Variants in ABCB5 observed in about 807,000 individuals in gnomAD.
The protein encoded by ABCB5 is ATP-binding cassette sub-family B member 5.
Under a neutral mutation model 144.2 loss-of-function variants are expected in ABCB5, and 155 were observed. The observed-to-expected ratio is 1.08, with a 90% CI of 0.94 to 1.23. The LOEUF is 1.23. Among genes scored for constraint, ABCB5 ranks in the 50% most tolerant of loss-of-function variants. The pLI is 0.00. For missense variants in ABCB5, 1,830 were observed against 1,520.8 expected, an observed-to-expected ratio of 1.20 and a Z score of -3.38; for synonymous variants, 610 against 528.6, an observed-to-expected ratio of 1.15 and a Z score of -2.11.
In ABCB5 at chr7:20,650,104, T is replaced by C. The variant is rs746777499; in HGVS notation, c.1289T>C (p.Val430Ala). The C allele has an allele frequency of 1.4e-5, 22 of 1,613,662 alleles. 1 individual carries two copies. The highest frequency in any genetic ancestry group is 3.3e-4 in the Middle Eastern group (2 of 6,050). Residue 430 changes from valine (V) to alanine (A), a missense_variant, in exon 12 of 28, where the codon GTA becomes GCA. Transcript: ENST00000404938. ...VGLNGSGKST[V>A]VQLLQRLYDP... ...CTCAATGGCAGTGGGAAGAGTACGG[T>C]AGTCCAGCTTCTGCAGAGGTTATAT...
At chr7:20,750,947 C>T (rs1414888990) in intron 26 of ABCB5, among the ~76,000 whole-genome samples, 1 of 152,166 alleles carries the variant, frequency 6.6e-6, no homozygotes, top group Non-Finnish European at 1.5e-5. Context: ...TGGTTCTCTA[C>T]TAATCTTCAC....
chr7:20,735,926 T>A (rs1027473570), intron 23 of ABCB5, among the ~76,000 whole-genome samples: 14 of 152,228 alleles, frequency 9.2e-5, no homozygotes, highest in Non-Finnish European at 1.5e-4. Flanking sequence ...GTATCTTGTA[T>A]ATGAAAACAT....
At chr7:20,620,246 A>T (rs983481331) in intron 1 of ABCB5, among the ~76,000 whole-genome samples, 1 of 152,166 alleles carries the variant, frequency 6.6e-6, no homozygotes, top group Non-Finnish European at 1.5e-5. Flanking sequence ...CATATAAAAA[A>T]CCAACTCAAA....
intron 14 of ABCB5, 47 bp downstream of exon 14, chr7:20,658,723 T>G (rs753782108): frequency 1.9e-6 from 3 of 1,598,672 alleles, no homozygotes; most frequent in Admixed American, 1.7e-5. Flanking sequence ...TGGTTCATTA[T>G]TGTTTTGAAG....
At chr7:20,748,713 C>A (rs1305786169) in intron 26 of ABCB5, among the ~76,000 whole-genome samples, 1 of 149,774 alleles carries the variant, frequency 6.7e-6, no homozygotes, top group Non-Finnish European at 1.5e-5. Context: ...ATAAGTGGAG[C>A]CCAGCACTCC....
In ABCB5 at chr7:20,647,659, T is replaced by G; in HGVS notation, c.1095+11T>G. On this transcript the variant is annotated intron_variant, in intron 10 of 27. Transcript: ENST00000404938. ...CAGGTTATTGATAAGGTAAGACCTC[T>G]TATTGCTTTGAAGAATAACTATCAT... 2 of 1,552,148 alleles carry G rather than the reference T, an allele frequency of 1.3e-6. No homozygotes were observed. Among genetic ancestry groups the G allele is most frequent in the Admixed American group, 4.0e-5 (2 of 49,402 alleles).
At chr7:20,720,966 A>AAT (rs1781848442) in intron 20 of ABCB5, among the ~76,000 whole-genome samples, 1 of 148,422 alleles carries the variant, frequency 6.7e-6, no homozygotes, top group Non-Finnish European at 1.5e-5. Flanking sequence ...AAAAAAAAAA[A>AAT]AGAATGAAGA....
intron 24 of ABCB5, among the ~76,000 whole-genome samples, chr7:20,739,713 A>G (rs964429222): frequency 2.6e-5 from 4 of 151,966 alleles, no homozygotes; most frequent in African/African-American, 9.7e-5. Context: ...ATTAAGGTTT[A>G]TTTGTTTTTT....
At chr7:20,636,418 G>A (rs1381230052) in intron 5 of ABCB5, among the ~76,000 whole-genome samples, 2 of 151,904 alleles carry the variant, frequency 1.3e-5, no homozygotes, top group Non-Finnish European at 2.9e-5. Context: ...AATTTATAAG[G>A]AAACATACTT....
chr7:20,751,593 A>G (rs1000096198), intron 26 of ABCB5, among the ~76,000 whole-genome samples: 27 of 152,244 alleles, frequency 1.8e-4, no homozygotes, highest in African/African-American at 6.3e-4. Flanking sequence ...CTAGTTTTGT[A>G]TGTTCTTCAG....
At chr7:20,688,037 T>C (rs1046630036) in intron 16 of ABCB5, among the ~76,000 whole-genome samples, 3 of 151,530 alleles carry the variant, frequency 2.0e-5, no homozygotes, top group Non-Finnish European at 2.9e-5. Flanking sequence ...ACTAAAAATA[T>C]AAAAAATTAG....
intron 23 of ABCB5, among the ~76,000 whole-genome samples, chr7:20,729,460 G>C (rs1464673086): frequency 6.6e-6 from 1 of 152,118 alleles, no homozygotes; most frequent in African/African-American, 2.4e-5. Context: ...TGTCACATTT[G>C]GAATTGAATG....
chr7:20,679,608 T>C (rs1785726620), intron 14 of ABCB5, among the ~76,000 whole-genome samples: 1 of 148,044 alleles, frequency 6.8e-6, no homozygotes, highest in Admixed American at 6.8e-5. Context: ...AAAAGAAAAA[T>C]ACAGTTCTAA....
chr7:20,632,162 T>A, intron 5 of ABCB5, 49 bp downstream of exon 5: 2 of 1,296,648 alleles, frequency 1.5e-6, no homozygotes, highest in East Asian at 2.6e-5. Flanking sequence ...TGATGCTTTA[T>A]TTAAAGCTTA....
chr7:20,677,990 G>C (rs374446365), intron 14 of ABCB5, among the ~76,000 whole-genome samples: 2 of 152,154 alleles, frequency 1.3e-5, no homozygotes, highest in African/African-American at 4.8e-5. Context: ...ATTAAGCCAA[G>C]AGTCATGCCC....
intron 14 of ABCB5, chr7:20,667,460 A>C: frequency 1.0e-6 from 1 of 985,060 alleles, no homozygotes; most frequent in Non-Finnish European, 1.2e-6. Context: ...GCAACCTTTT[A>C]ATTGTTTGAC....
At chr7:20,659,335 AC>A (rs1309115012) in intron 14 of ABCB5, 9 of 1,368,506 alleles carry the variant, frequency 6.6e-6, no homozygotes, top group Admixed American at 6.0e-5. Context: ...GAGCCTTCAG[AC>A]CCCTTACAAG....
chr7:20,644,374 C>T lies in ABCB5; in HGVS notation c.678+742C>T, dbSNP rs183860482. ...GATTGCAGGCCAGTGAGCCACCGCA[C>T]CCAGCCAAGTTTATACTTCAGTAAG... On this transcript the variant is annotated intron_variant, in intron 7 of 27. Coordinates refer to ENST00000404938, the MANE Select transcript of ABCB5 (RefSeq NM_001163941.2). Among the ~76,000 whole-genome samples, 1,050 of 152,294 alleles carry T rather than the reference C, an allele frequency of 6.9e-3. 9 individuals are homozygous for T. Among genetic ancestry groups the T allele is most frequent in the Non-Finnish European group, 0.011 (780 of 68,026 alleles).
chr7:20,735,965 G>A (rs1782366770), intron 23 of ABCB5, among the ~76,000 whole-genome samples: 2 of 152,138 alleles, frequency 1.3e-5, no homozygotes, highest in Non-Finnish European at 2.9e-5. Context: ...CCAAATAAAT[G>A]TTAGTTGCTT....
Sources: allele counts gnomAD v4.1 joint callset (sites outside exome capture counted in the v4.1 genomes callset), GRCh38; gene constraint gnomAD v4.1.1; transcripts MANE v1.5; gene names NCBI Gene and HGNC (gene_info 2026-07-23, HGNC 2026-07-21).